Variants in IQCF2 observed in about 807,000 individuals in gnomAD.
IQCF2 encodes IQ motif containing F2.
IQCF2 carries 6 observed loss-of-function variants against 7.0 expected under a neutral mutation model. That is an observed-to-expected ratio of 0.86 (90% CI 0.47 to 1.70). IQCF2 has a LOEUF of 1.70. IQCF2 is among the 40% of genes most tolerant of loss of function. The pLI is 0.01. For missense variants in IQCF2, 174 were observed against 204.6 expected (o/e 0.85, Z 0.91); for synonymous variants, 67 against 74.0 (o/e 0.91, Z 0.48).
Position 51,863,395 on chromosome 3 carries a change from CTA to C in IQCF2, c.*26_*27del. ...AGGGCTGGCAAGAAGGGCACTGTGTCTACTGTCCCTATTAAAGGTCTAACCTG... is the reference window on the plus strand; with the variant it reads ...AGGGCTGGCAAGAAGGGCACTGTGTCCTGTCCCTATTAAAGGTCTAACCTG... On this transcript the variant is annotated 3_prime_UTR_variant, in exon 3 of 3. Coordinates refer to ENST00000333127, the MANE Select transcript of IQCF2 (RefSeq NM_203424.2). 1.2e-6 allele frequency: 2 copies of C among 1,603,326 alleles called. No homozygotes were observed. The highest frequency in any genetic ancestry group is 1.7e-6 in the Non-Finnish European group (2 of 1,173,882).
intron 2 of IQCF2, 127 bp downstream of exon 2, chr3:51,862,077 C>A: frequency 1.5e-6 from 1 of 663,530 alleles, no homozygotes. Context: ...CTCATTTTTC[C>A]TCCATTCTCT....
Position 51,862,969 on chromosome 3 carries a change from G to A in IQCF2, c.112-18G>A, listed in dbSNP as rs773800984. 14 of 1,582,790 alleles carry A rather than the reference G, an allele frequency of 8.8e-6. No individual in the cohort carries two copies. In the Admixed American group the frequency reaches 1.0e-4, roughly 12 times the overall value. ...GTGGCAGGAAGTTTTCTGACTGATC[G>A]CTCTTGTCTCTGCCTAGGAAAAACT... On this transcript the variant is annotated intron_variant, in intron 2 of 2. Transcript: ENST00000333127.
chr3:51,862,205 C>T (rs186096317), intron 2 of IQCF2, among the ~76,000 whole-genome samples: 54 of 152,096 alleles, frequency 3.6e-4, no homozygotes, highest in Middle Eastern at 3.4e-3. Context: ...TGAGACCATC[C>T]TGGCTAACAC....
In IQCF2 at chr3:51,863,046, C is replaced by T. The variant is rs752773776; in HGVS notation, c.171C>T (p.Thr57=). The T allele has an allele frequency of 3.7e-6, 6 of 1,614,086 alleles. No individual in the cohort carries two copies. Among genetic ancestry groups the T allele is most frequent in the East Asian group, 4.5e-5 (2 of 44,882 alleles). ...AVKIQAWWRG[T]LVRRTLLHAA... The stretch of plus-strand genomic sequence containing the variant: ...AGATCCAGGCCTGGTGGCGGGGCAC[C>T]CTGGTGCGCAGGACACTGCTGCATG... Residue 57 remains threonine (T), a synonymous_variant, in exon 3 of 3, where the codon ACC becomes ACT. Coordinates refer to ENST00000333127, the MANE Select transcript of IQCF2 (RefSeq NM_203424.2).
intron 2 of IQCF2, 52 bp downstream of exon 2, chr3:51,862,002 T>C: frequency 5.3e-6 from 7 of 1,326,128 alleles, no homozygotes; most frequent in South Asian, 1.2e-5. Context: ...TATAACTACA[T>C]CATAAGGTGT....
intron 1 of IQCF2, 66 bp downstream of exon 1, chr3:51,861,750 G>A: frequency 6.3e-7 from 1 of 1,597,650 alleles, no homozygotes; most frequent in Non-Finnish European, 8.6e-7. Context: ...GGGCTTTACA[G>A]GACTTGAGAA....
rs1234761877 is a variant in IQCF2 at position 51,861,882 on chromosome 3, A to C, written c.43A>C (p.Ile15Leu). The change falls in exon 2 of 3, where the codon ATA becomes CTA. Residue 15 changes from isoleucine (I) to leucine (L), a missense_variant. Transcript: ENST00000333127. ...GACCAAAGGCAATTTAATTTTGGTT[A>C]TAATTGAGGATGTTGAAGAAAGCAT... ...FCTKGNLILVIIEDVEESIEW... is the reference protein window; with the variant it reads ...FCTKGNLILVLIEDVEESIEW... 1.9e-6 allele frequency: 3 copies of C among 1,613,890 alleles called. No individual in the cohort carries two copies. In the South Asian group the frequency reaches 3.3e-5, roughly 18 times the overall value.
chr3:51,861,674 T>G lies in IQCF2; in HGVS notation c.8T>G (p.Val3Gly), dbSNP rs537390720. ...ACCATCTAAGGACAGGCCATGAGGG[T>G]TCGATTTTGTGTAAGAGACATGGCC... MR[V>G]RFCTKGNLIL... The change falls in exon 1 of 3, where the codon GTT (valine) becomes GGT (glycine). Residue 3 changes from valine (V) to glycine (G), a missense_variant. By Grantham distance (109) the Val-to-Gly change is moderately radical (BLOSUM62 -3). Coordinates refer to ENST00000333127, the MANE Select transcript of IQCF2 (RefSeq NM_203424.2). The G allele has an allele frequency of 7.7e-5, 125 of 1,614,060 alleles. No individual in the cohort carries two copies. In the South Asian group the frequency reaches 1.3e-3, roughly 16 times the overall value.
chr3:51,862,813 G>A (rs1231790975), intron 2 of IQCF2, among the ~76,000 whole-genome samples, 174 bp from the exon 3 acceptor site: 1 of 152,240 alleles, frequency 6.6e-6, no homozygotes, highest in Non-Finnish European at 1.5e-5. Context: ...TGTGCCCACA[G>A]TGGCAGAGGA....
Position 51,861,869 on chromosome 3 carries a change from T to C in IQCF2, c.30T>C (p.Asn10=). 6.2e-7 allele frequency: 1 copy of C among 1,613,350 alleles called. No homozygotes were observed. The highest frequency in any genetic ancestry group is 8.5e-7 in the Non-Finnish European group (1 of 1,179,318). ...AATTCTGATGACAGACCAAAGGCAATTTAATTTTGGTTATAATTGAGGATG... is the reference window on the plus strand; with the variant it reads ...AATTCTGATGACAGACCAAAGGCAACTTAATTTTGGTTATAATTGAGGATG... MRVRFCTKG[N]LILVIIEDVE... is the part of the protein sequence containing the mutation. Residue 10 remains asparagine (N), a synonymous_variant, in exon 2 of 3, where the codon AAT becomes AAC. Transcript: ENST00000333127.
At chr3:51,862,077 C>T in intron 2 of IQCF2, 127 bp downstream of exon 2, 2 of 663,530 alleles carry the variant, frequency 3.0e-6, no homozygotes, top group Non-Finnish European at 5.3e-6. Flanking sequence ...CTCATTTTTC[C>T]TCCATTCTCT....
rs1339485421 is a variant in IQCF2 at position 51,863,306 on chromosome 3, T to G, written c.431T>G (p.Leu144Arg). 1.2e-6 allele frequency: 2 copies of G among 1,614,144 alleles called. No homozygotes were observed. Among genetic ancestry groups the G allele is most frequent in the Non-Finnish European group, 1.7e-6 (2 of 1,180,022 alleles). The part of the protein sequence containing the change: ...QCHNCQTCAL[L>R]QGHCVVTATH... ...CACAACTGCCAGACCTGCGCTCTCC[T>G]CCAGGGCCACTGTGTGGTCACAGCC... The change falls in exon 3 of 3, where the codon CTC becomes CGC. Residue 144 changes from leucine (L) to arginine (R), a missense_variant. Coordinates refer to ENST00000333127, the MANE Select transcript of IQCF2 (RefSeq NM_203424.2).
In IQCF2 at chr3:51,861,864, G is replaced by A. The variant is rs1008077072; in HGVS notation, c.25G>A (p.Gly9Ser). Residue 9 changes from glycine to serine, a missense_variant, in exon 2 of 3, where the codon GGC becomes AGC. Transcript: ENST00000333127. MRVRFCTK[G>S]NLILVIIEDV... Reference sequence around the variant, plus strand: ...CATTTAATTCTGATGACAGACCAAAGGCAATTTAATTTTGGTTATAATTGA... The same window carrying A: ...CATTTAATTCTGATGACAGACCAAAAGCAATTTAATTTTGGTTATAATTGA... 1.2e-6 allele frequency: 2 copies of A among 1,612,968 alleles called. No homozygotes were observed. Among genetic ancestry groups the A allele is most frequent in the Admixed American group, 3.3e-5 (2 of 60,012 alleles).
Position 51,861,626 on chromosome 3 carries a change from A to G in IQCF2, c.-41A>G, listed in dbSNP as rs1362755063. On this transcript the variant is annotated 5_prime_UTR_variant, in exon 1 of 3. Transcript: ENST00000333127. ...ACGTTACTCATGCCAGACCTTGGGA[A>G]GCAGAGAAATCAGGGCTAATGAACC... is the stretch of plus-strand genomic sequence containing the variant. 6.2e-7 allele frequency: 1 copy of G among 1,613,384 alleles called. No homozygotes were observed. The highest frequency in any genetic ancestry group is 1.7e-5 in the Admixed American group (1 of 60,030).
At chr3:51,862,025 C>G in intron 2 of IQCF2, 75 bp downstream of exon 2, 1 of 1,068,626 alleles carries the variant, frequency 9.4e-7, no homozygotes, top group Non-Finnish European at 1.4e-6. Flanking sequence ...GACTTTGCCT[C>G]TTATCAATCC....
intron 1 of IQCF2, 79 bp from the exon 2 acceptor site, chr3:51,861,779 A>C (rs1368271551): frequency 7.0e-6 from 11 of 1,571,004 alleles, no homozygotes; most frequent in Non-Finnish European, 9.6e-6. Context: ...ATGTTAAAGT[A>C]GTAATTGTCT....
In IQCF2 at chr3:51,863,280, C is replaced by T; in HGVS notation, c.405C>T (p.Cys135=). ...AIYIIQGHWQ[C]HNCQTCALLQ... Reference sequence around the variant, plus strand: ...ACATCATCCAGGGCCACTGGCAATGCCACAACTGCCAGACCTGCGCTCTCC... The same window carrying T: ...ACATCATCCAGGGCCACTGGCAATGTCACAACTGCCAGACCTGCGCTCTCC... The change falls in exon 3 of 3, where the codon TGC becomes TGT. Residue 135 remains cysteine (C), a synonymous_variant. Coordinates refer to ENST00000333127, the MANE Select transcript of IQCF2 (RefSeq NM_203424.2). 3 of 1,614,200 alleles carry T rather than the reference C, an allele frequency of 1.9e-6. No homozygotes were observed. The highest frequency in any genetic ancestry group is 2.5e-6 in the Non-Finnish European group (3 of 1,180,024).
rs1446420174 is a variant in IQCF2, at chr3:51,862,975, GTC to G, written c.112-8_112-7del. The G allele has an allele frequency of 6.3e-7, 1 of 1,592,424 alleles. No individual in the cohort carries two copies. The highest frequency in any genetic ancestry group is 1.3e-5 in the African/African-American group (1 of 74,566). On this transcript the variant is annotated splice_polypyrimidine_tract_variant and intron_variant, in intron 2 of 2. Coordinates refer to ENST00000333127, the MANE Select transcript of IQCF2 (RefSeq NM_203424.2). ...GGAAGTTTTCTGACTGATCGCTCTT[GTC>G]TCTGCCTAGGAAAAACTTAGAATAA...
At position 51,861,797 on chromosome 3, in the gene IQCF2, G is replaced by A. The variant is rs1369669609; in HGVS notation, c.19-61G>A. On this transcript the variant is annotated intron_variant, in intron 1 of 2. Coordinates refer to ENST00000333127, the MANE Select transcript of IQCF2 (RefSeq NM_203424.2). Reference sequence around the variant, plus strand: ...TTAAAGTAGTAATTGTCTTTGTATAGAGCCATAGAGAGAAACAGTCTTAAC... The same window carrying A: ...TTAAAGTAGTAATTGTCTTTGTATAAAGCCATAGAGAGAAACAGTCTTAAC... The A allele has an allele frequency of 1.4e-4, 224 of 1,560,778 alleles. 6 individuals carry two copies. In the South Asian group the frequency reaches 1.8e-3, roughly 13 times the overall value.
Sources: allele counts gnomAD v4.1 joint callset (sites outside exome capture counted in the v4.1 genomes callset), GRCh38; gene constraint gnomAD v4.1.1; transcripts MANE v1.5; gene names NCBI Gene and HGNC (gene_info 2026-07-23, HGNC 2026-07-21).